Variants in TTLL11 observed in about 807,000 individuals in gnomAD.
TTLL11 encodes tubulin tyrosine ligase like 11, also known as tubulin polyglutamylase TTLL11.
In TTLL11, 42 loss-of-function variants were observed where a neutral mutation model predicts 51.7. The ratio of observed to expected loss-of-function variants is 0.81; its 90% CI spans 0.64 to 1.05. The LOEUF (loss-of-function observed/expected upper bound fraction) is 1.05, where lower values mean the gene tolerates loss of function less well. Ranked by LOEUF, TTLL11 falls within the 50% of genes least tolerant of loss-of-function variation. The probability of loss-of-function intolerance (pLI) is 0.00; values close to 1 mark genes in which losing one functional copy is unlikely to be tolerated. For synonymous variants in TTLL11, 381 were observed against 383.5 expected (o/e 0.99, Z 0.08); for missense variants, 799 against 940.4 (o/e 0.85, Z 1.97).
At chr9:122,083,174 G>A (rs573557198) in intron 1 of TTLL11, among the ~76,000 whole-genome samples, 12 of 152,210 alleles carry the variant, frequency 7.9e-5, no homozygotes, top group South Asian at 2.1e-4. Context: ...GTGGGACTGC[G>A]CATCCCCCAT....
intron 6 of TTLL11, among the ~76,000 whole-genome samples, chr9:121,907,751 T>TGG (rs970510915): frequency 1.3e-5 from 2 of 152,172 alleles, no homozygotes; most frequent in African/African-American, 4.8e-5. Flanking sequence ...ACAAATTTCT[T>TGG]GGGGGACTGT....
chr9:121,873,831 CT>C (rs71508142), intron 6 of TTLL11, among the ~76,000 whole-genome samples: 123 of 77,394 alleles, frequency 1.6e-3, no homozygotes, highest in Non-Finnish European at 1.8e-3. Flanking sequence ...ATTAGCCTGA[CT>C]TTTTTTTTTT....
In TTLL11 at chr9:121,989,540, G is replaced by T; in HGVS notation, c.924C>A (p.Asp308Glu). ...CTTTGGCTATATAAATCTCTAAGGG[G>T]TCTAAGGACTTGAGTAAGACATACA... ...IRLYVLLKSLDPLEIYIAKDG... is the reference protein window; with the variant it reads ...IRLYVLLKSLEPLEIYIAKDG... Residue 308 changes from aspartate (D) to glutamate (E), a missense_variant, in exon 4 of 9, where the codon GAC becomes GAA. By Grantham distance (45) the Asp-to-Glu change is conservative. This residue lies in a region of TTLL11 where 468 missense variants were observed against 612.8 expected (regional missense o/e 0.76). Coordinates refer to ENST00000321582, the MANE Select transcript of TTLL11 (RefSeq NM_001139442.2). The surrounding 1 kb of genome is among the most constrained non-coding windows in gnomAD (Gnocchi z 4.2). 6.2e-7 allele frequency: 1 copy of T among 1,614,106 alleles called. No individual in the cohort carries two copies. Among genetic ancestry groups the T allele is most frequent in the Non-Finnish European group, 8.5e-7 (1 of 1,180,036 alleles).
intron 3 of TTLL11, among the ~76,000 whole-genome samples, chr9:122,022,067 C>T (rs1243639705): frequency 6.6e-6 from 1 of 151,848 alleles, no homozygotes; most frequent in East Asian, 1.9e-4. Context: ...AATGTGAAGA[C>T]AAAACAACAG....
At chr9:121,842,392 G>A (rs924239318) in intron 8 of TTLL11, among the ~76,000 whole-genome samples, 14 of 152,128 alleles carry the variant, frequency 9.2e-5, no homozygotes, top group Non-Finnish European at 1.6e-4. Context: ...TAAGTAACCA[G>A]GATTATAGGT....
chr9:121,897,998 A>G lies in TTLL11; in HGVS notation c.1482-27250T>C, dbSNP rs570290921. ...CAGTGATGCAATCTCAGCTCACTGCAATCTCTGCCTCCTTGGTTCAAGCAA... is the reference window on the plus strand; with the variant it reads ...CAGTGATGCAATCTCAGCTCACTGCGATCTCTGCCTCCTTGGTTCAAGCAA... On this transcript the variant is annotated intron_variant, in intron 6 of 8. Transcript: ENST00000321582. Among the ~76,000 whole-genome samples the G allele has an allele frequency of 2.0e-5, 3 of 150,606 alleles. No homozygotes were observed. In the East Asian group the frequency reaches 5.9e-4, roughly 29 times the overall value.
At chr9:122,077,332 T>C (rs1312782501) in intron 1 of TTLL11, among the ~76,000 whole-genome samples, 3 of 152,144 alleles carry the variant, frequency 2.0e-5, no homozygotes, top group Non-Finnish European at 4.4e-5. Context: ...CAAACGCATA[T>C]ATGTTGGAAG....
chr9:122,006,340 C>CAAAA (rs5900505), intron 3 of TTLL11, among the ~76,000 whole-genome samples: 4,401 of 138,822 alleles, frequency 0.032, 210 homozygotes, highest in African/African-American at 0.11. Context: ...GAGACTATCT[C>CAAAA]AAAAAAAAAA....
rs970179138 is a variant in TTLL11 at position 121,819,572 on chromosome 9, T to C, written c.*3015A>G. On this transcript the variant is annotated 3_prime_UTR_variant, in exon 9 of 9. Coordinates refer to ENST00000321582, the MANE Select transcript of TTLL11 (RefSeq NM_001139442.2). ...GACTAGGGAGAGGACTGTGTGTGCA[T>C]TGAGGGTGGGGAGAGACAGGCGTCA... is the stretch of plus-strand genomic sequence containing the variant. The C allele has an allele frequency of 2.6e-5, 4 of 152,270 alleles. No individual in the cohort carries two copies. The highest frequency in any genetic ancestry group is 9.7e-5 in the African/African-American group (4 of 41,360). The allele number at this position is 152,270 out of a possible 1,614,324, so 9.4% of individuals were successfully genotyped here.
At chr9:121,972,592 A>G (rs1842605463) in intron 6 of TTLL11, among the ~76,000 whole-genome samples, 1 of 152,266 alleles carries the variant, frequency 6.6e-6, no homozygotes, top group Admixed American at 6.5e-5. Context: ...ACAAGAACTC[A>G]GCCGGGCCGG....
rs547408355 is a variant in TTLL11 at position 122,002,944 on chromosome 9, C to CAAAAAAA, written c.694-13181_694-13175dup. ...CTGGCAACAGAGTGAGACTCTGTCT[C>CAAAAAAA]AAAAAAAAAAAAAAAAAAAAGAGAT... On this transcript the variant is annotated intron_variant, in intron 3 of 8. Coordinates refer to ENST00000321582, the MANE Select transcript of TTLL11 (RefSeq NM_001139442.2). 5.2e-3 allele frequency among the ~76,000 whole-genome samples: 320 copies of CAAAAAAA among 61,218 alleles called. 16 individuals are homozygous for CAAAAAAA. Among genetic ancestry groups the CAAAAAAA allele is most frequent in the African/African-American group, 0.026 (304 of 11,882 alleles). The allele number at this position is 61,218 out of a possible 152,430, so 40.2% of individuals were successfully genotyped here.
At chr9:121,922,213 A>G (rs1840570833) in intron 6 of TTLL11, among the ~76,000 whole-genome samples, 1 of 152,224 alleles carries the variant, frequency 6.6e-6, no homozygotes, top group Admixed American at 6.5e-5. Flanking sequence ...TCTTTAGACC[A>G]TAAGAATGTC....
At position 121,989,008 on chromosome 9, in the gene TTLL11, A is replaced by G; in HGVS notation, c.1269+187T>C. 2.1e-6 allele frequency: 3 copies of G among 1,443,738 alleles called. No homozygotes were observed. The highest frequency in any genetic ancestry group is 2.8e-6 in the Non-Finnish European group (3 of 1,084,556). 89.4% of individuals were successfully genotyped at this position (1,443,738 alleles called of 1,614,324 possible). A position where few individuals can be genotyped will look rare whatever the true frequency, so the allele number is the denominator to read the frequency against. On this transcript the variant is annotated intron_variant, in intron 4 of 8. Transcript: ENST00000321582. This position sits in a 1 kb window ranked among gnomAD's most constrained non-coding sequence, Gnocchi z 4.2. The stretch of plus-strand genomic sequence containing the variant: ...AACAGAGGGGAAGTAGCTTGCCCCA[A>G]ATCACACAGGGAGCAAACAGAAAGC...
At chr9:121,831,619 G>A (rs1162824586) in intron 8 of TTLL11, among the ~76,000 whole-genome samples, 1 of 151,620 alleles carries the variant, frequency 6.6e-6, no homozygotes, top group Non-Finnish European at 1.5e-5. Context: ...AGAATCACTT[G>A]AACCTGGGAG....
intron 1 of TTLL11, among the ~76,000 whole-genome samples, chr9:122,059,363 A>G (rs1297140255): frequency 6.6e-6 from 1 of 152,210 alleles, no homozygotes; most frequent in African/African-American, 2.4e-5. Flanking sequence ...GAAGTTACTT[A>G]AAACTCCTAA....
chr9:121,859,174 T>C (rs547218007), intron 8 of TTLL11, among the ~76,000 whole-genome samples: 5 of 133,972 alleles, frequency 3.7e-5, no homozygotes, highest in South Asian at 5.3e-4. Context: ...ATATCAGTTA[T>C]GGTTATTATA....
intron 1 of TTLL11, among the ~76,000 whole-genome samples, chr9:122,053,261 C>T (rs1588241186): frequency 6.6e-6 from 1 of 152,146 alleles, no homozygotes; most frequent in South Asian, 2.1e-4. Flanking sequence ...GAGGGAGGAG[C>T]AGTGGTTTCT....
At chr9:121,838,754 AAGAG>A (rs1235025682) in intron 8 of TTLL11, among the ~76,000 whole-genome samples, 175 of 151,188 alleles carry the variant, frequency 1.2e-3, no homozygotes, top group Non-Finnish European at 2.1e-3. Flanking sequence ...GAGAGAAAGA[AAGAG>A]AGAAAGCAAG....
At chr9:121,924,428 A>G (rs1840646989) in intron 6 of TTLL11, among the ~76,000 whole-genome samples, 1 of 152,242 alleles carries the variant, frequency 6.6e-6, no homozygotes, top group South Asian at 2.1e-4. Context: ...CCATTTCCTG[A>G]GTTCTGTATG....
Sources: allele counts gnomAD v4.1 joint callset (sites outside exome capture counted in the v4.1 genomes callset), GRCh38; gene constraint gnomAD v4.1.1; regional missense constraint gnomAD v4.1.1; non-coding constraint Gnocchi (gnomAD v3.1); transcripts MANE v1.5; gene names NCBI Gene and HGNC (gene_info 2026-07-23, HGNC 2026-07-21).